Variants in LINGO2 observed in about 807,000 individuals in gnomAD.
LINGO2 encodes the protein leucine-rich repeat and immunoglobulin-like domain-containing nogo receptor-interacting protein 2.
Under a neutral mutation model 30.6 loss-of-function variants are expected in LINGO2, and 14 were observed. That is an observed-to-expected ratio of 0.46 (90% confidence interval 0.30 to 0.72). The LOEUF is 0.72. Ranked by LOEUF, LINGO2 falls within the 30% of genes least tolerant of loss-of-function variation. LINGO2 has a pLI of 0.07. For synonymous variants in LINGO2, 317 were observed against 288.5 expected, an observed-to-expected ratio of 1.10 and a Z score of -1.00; for missense variants, 729 against 751.7, an observed-to-expected ratio of 0.97 and a Z score of 0.35.
At chr9:28,709,568 T>G in the LINGO2 span, among the ~76,000 whole-genome samples, 1 of 152,018 alleles carries the variant, frequency 6.6e-6, no homozygotes, top group Non-Finnish European at 1.5e-5. Context: ...ACACATTGAG[T>G]AATTATGAAT....
chr9:28,139,082 A>G lies in LINGO2; in HGVS notation c.-86-126677T>C, dbSNP rs544464529. ...TATTTTTCAGGTTAGTTAAGTATCA[A>G]AAAACTTAGAGCAGTGCTGCTGAGT... On this transcript the variant is annotated intron_variant, in intron 4 of 5. Transcript: ENST00000379992. 2.0e-4 allele frequency among the ~76,000 whole-genome samples: 30 copies of G among 152,312 alleles called. No individual in the cohort carries two copies. In the South Asian group the frequency reaches 5.8e-3, roughly 29 times the overall value.
the LINGO2 span, among the ~76,000 whole-genome samples, chr9:29,134,351 T>G: frequency 6.6e-6 from 1 of 152,168 alleles, no homozygotes; most frequent in Non-Finnish European, 1.5e-5. Context: ...ACTTGCTACT[T>G]AAAACTTTCA....
the LINGO2 span, among the ~76,000 whole-genome samples, chr9:28,726,943 C>T: frequency 3.3e-5 from 5 of 152,076 alleles, no homozygotes; most frequent in Admixed American, 6.5e-5. Flanking sequence ...TTCTGGGTGG[C>T]TTTTAGCCAC....
chr9:29,139,572 TCAA>T, the LINGO2 span, among the ~76,000 whole-genome samples: 3 of 151,944 alleles, frequency 2.0e-5, no homozygotes, highest in Admixed American at 6.6e-5. Flanking sequence ...AGACACCAAT[TCAA>T]CAACAACATA....
At chr9:28,035,208 A>G (rs541711622) in intron 4 of LINGO2, among the ~76,000 whole-genome samples, 136 of 152,214 alleles carry the variant, frequency 8.9e-4, no homozygotes, top group Non-Finnish European at 1.7e-3. Flanking sequence ...CATACTGCTA[A>G]CTCGGTTGAT....
At chr9:28,820,571 C>G in the LINGO2 span, among the ~76,000 whole-genome samples, 1 of 152,088 alleles carries the variant, frequency 6.6e-6, no homozygotes, top group African/African-American at 2.4e-5. Context: ...GTCCAGAGCA[C>G]AAAGATTTTA....
chr9:28,031,353 G>GT (rs141386644), intron 4 of LINGO2, among the ~76,000 whole-genome samples: 22,194 of 135,126 alleles, frequency 0.16, 1,856 homozygotes, highest in East Asian at 0.42. Context: ...AAACAGGATG[G>GT]TTTTTTTTTT....
chr9:29,059,472 T>C, the LINGO2 span, among the ~76,000 whole-genome samples: 23 of 151,660 alleles, frequency 1.5e-4, no homozygotes, highest in Admixed American at 5.9e-4. Flanking sequence ...AAATACCTAA[T>C]ATCAGACCTA....
chr9:28,801,187 G>C, the LINGO2 span, among the ~76,000 whole-genome samples: 3 of 152,028 alleles, frequency 2.0e-5, no homozygotes, highest in Non-Finnish European at 4.4e-5. Flanking sequence ...AGTAATTAGA[G>C]CTCTTGCCAA....
chr9:28,144,014 T>C (rs1827745886), intron 4 of LINGO2, among the ~76,000 whole-genome samples: 1 of 152,018 alleles, frequency 6.6e-6, no homozygotes, highest in Non-Finnish European at 1.5e-5. Flanking sequence ...TGGAATAAGG[T>C]TAATAATGGA....
At chr9:28,774,421 C>A in the LINGO2 span, among the ~76,000 whole-genome samples, 1 of 152,080 alleles carries the variant, frequency 6.6e-6, no homozygotes, top group Non-Finnish European at 1.5e-5. Flanking sequence ...TGCTTGTTTG[C>A]AAGGCAAATA....
At chr9:28,490,325 T>C (rs1440411927) in intron 1 of LINGO2, among the ~76,000 whole-genome samples, 1 of 152,248 alleles carries the variant, frequency 6.6e-6, no homozygotes, top group African/African-American at 2.4e-5. Context: ...AGACTGCTCC[T>C]TACTAGCTGT....
chr9:28,513,081 T>TCA (rs1396894005), intron 1 of LINGO2, among the ~76,000 whole-genome samples: 2 of 102,820 alleles, frequency 1.9e-5, no homozygotes. Flanking sequence ...GTATTAACCA[T>TCA]CATACACACA....
intron 4 of LINGO2, among the ~76,000 whole-genome samples, chr9:28,027,589 T>C (rs1267978030): frequency 1.3e-5 from 2 of 152,170 alleles, no homozygotes; most frequent in Non-Finnish European, 2.9e-5. Context: ...ACAACCCATG[T>C]TTCACCACTT....
chr9:28,504,014 A>G (rs1217354798), intron 1 of LINGO2, among the ~76,000 whole-genome samples: 1 of 151,910 alleles, frequency 6.6e-6, no homozygotes, highest in Non-Finnish European at 1.5e-5. Flanking sequence ...TCATGTGAAG[A>G]ACAGAATAAA....
chr9:28,419,216 A>T (rs1823088626), intron 2 of LINGO2, among the ~76,000 whole-genome samples: 1 of 152,116 alleles, frequency 6.6e-6, no homozygotes, highest in African/African-American at 2.4e-5. Context: ...ATTTTTTCCG[A>T]TCAGCAAATA....
At chr9:29,101,097 CTCTT>C in the LINGO2 span, among the ~76,000 whole-genome samples, 9 of 152,150 alleles carry the variant, frequency 5.9e-5, no homozygotes, top group African/African-American at 2.2e-4. Context: ...TTGTAACACT[CTCTT>C]TATGCCTAAA....
At chr9:28,398,140 A>G (rs1178979776) in intron 2 of LINGO2, among the ~76,000 whole-genome samples, 1 of 152,192 alleles carries the variant, frequency 6.6e-6, no homozygotes, top group African/African-American at 2.4e-5. Flanking sequence ...GCTGATCAGG[A>G]ACTGGACAGA....
At chr9:27,951,810 T>A (rs1427487865) in intron 5 of LINGO2, among the ~76,000 whole-genome samples, 1 of 152,080 alleles carries the variant, frequency 6.6e-6, no homozygotes, top group South Asian at 2.1e-4. Context: ...ATTCCTGAGC[T>A]GCAAAGGAAA....
Sources: allele counts gnomAD v4.1 joint callset (sites outside exome capture counted in the v4.1 genomes callset), GRCh38; gene constraint gnomAD v4.1.1; transcripts MANE v1.5; gene names NCBI Gene and HGNC (gene_info 2026-07-23, HGNC 2026-07-21).